ESRRG: variants seen among roughly 807,000 people sequenced by gnomAD.
ESRRG encodes estrogen-related receptor gamma.
A neutral mutation model predicts 44.0 loss-of-function variants in ESRRG; 13 were observed. The ratio of observed to expected loss-of-function variants is 0.30; its 90% CI spans 0.19 to 0.47. The LOEUF (loss-of-function observed/expected upper bound fraction) is 0.47, where lower values mean the gene tolerates loss of function less well. Among genes scored for constraint, ESRRG ranks in the 20% least tolerant of loss-of-function variants. ESRRG has a pLI of 1.00. For synonymous variants in ESRRG, 215 were observed against 214.6 expected (o/e 1.00, Z -0.02); for missense variants, 395 against 580.6 (o/e 0.68, Z 3.29).
chr1:216,629,544 C>T (rs564270866), intron 3 of ESRRG, among the ~76,000 whole-genome samples: 4 of 152,190 alleles, frequency 2.6e-5, no homozygotes, highest in South Asian at 4.2e-4. Flanking sequence ...GAATTTGGCT[C>T]TTATATAGGA....
chr1:216,824,407 C>A (rs1048935103), intron 2 of ESRRG, among the ~76,000 whole-genome samples: 1 of 152,028 alleles, frequency 6.6e-6, no homozygotes, highest in Admixed American at 6.5e-5. Flanking sequence ...GATCGTGTCA[C>A]TTCACTCCAG....
intron 1 of ESRRG, among the ~76,000 whole-genome samples, chr1:216,718,542 T>C (rs2152040268): frequency 6.6e-6 from 1 of 152,086 alleles, no homozygotes; most frequent in South Asian, 2.1e-4. Flanking sequence ...ATCCTTGCAC[T>C]ATCAAATATA....
chr1:216,810,998 T>A (rs2094952215), intron 2 of ESRRG, among the ~76,000 whole-genome samples: 2 of 151,966 alleles, frequency 1.3e-5, no homozygotes, highest in African/African-American at 4.8e-5. Context: ...ACAGCCCTGA[T>A]CATACCAGAT....
At chr1:216,943,269 C>T (rs140665266) in intron 1 of ESRRG, among the ~76,000 whole-genome samples, 230 of 152,220 alleles carry the variant, frequency 1.5e-3, no homozygotes, top group Middle Eastern at 0.014. Context: ...TACCAGTATC[C>T]CTTCACTCAC....
At chr1:217,043,069 A>G (rs2084173509) in intron 1 of ESRRG, among the ~76,000 whole-genome samples, 2 of 152,196 alleles carry the variant, frequency 1.3e-5, no homozygotes, top group South Asian at 4.1e-4. Context: ...GCTCCAGTGC[A>G]AATTTAACGC....
At chr1:216,703,339 T>G (rs770879350) in intron 1 of ESRRG, among the ~76,000 whole-genome samples, 2 of 152,182 alleles carry the variant, frequency 1.3e-5, no homozygotes, top group African/African-American at 4.8e-5. Context: ...TTATAATGTT[T>G]TAAGAAAGTT....
intron 2 of ESRRG, among the ~76,000 whole-genome samples, chr1:216,771,294 G>C (rs1260686218): frequency 2.0e-5 from 3 of 151,996 alleles, no homozygotes; most frequent in African/African-American, 7.2e-5. Flanking sequence ...TAATGCTTTA[G>C]CACAAATACA....
At chr1:216,615,972 A>G (rs2061379289) in intron 3 of ESRRG, among the ~76,000 whole-genome samples, 1 of 152,050 alleles carries the variant, frequency 6.6e-6, no homozygotes, top group Non-Finnish European at 1.5e-5. Context: ...AGGCGTGAGC[A>G]CCAGGCCCAG....
rs771709322 is a variant in ESRRG at position 216,809,347 on chromosome 1, AC to A, written c.-14+130234del. On this transcript the variant is annotated intron_variant, in intron 2 of 7. Transcript: ENST00000359162. The stretch of plus-strand genomic sequence containing the variant: ...CAGTAAAAAAAAAAAAAAAAAAAAA[AC>A]CCCATGAGAACACCTCCAATTGTCA... Among the ~76,000 whole-genome samples the A allele has an allele frequency of 5.6e-3, 683 of 122,700 alleles. 2 individuals are homozygous for A. The highest frequency in any genetic ancestry group is 0.015 in the African/African-American group (506 of 34,384). 80.5% of individuals were successfully genotyped at this position (122,700 alleles called of 152,430 possible). A position where few individuals can be genotyped will look rare whatever the true frequency, so the allele number is the denominator to read the frequency against.
At chr1:216,988,926 T>G (rs1210601304) in intron 1 of ESRRG, among the ~76,000 whole-genome samples, 1 of 152,192 alleles carries the variant, frequency 6.6e-6, no homozygotes, top group African/African-American at 2.4e-5. Context: ...ACTTCAAGTT[T>G]TCCAGTCCAC....
intron 2 of ESRRG, among the ~76,000 whole-genome samples, chr1:216,744,124 A>G (rs983892611): frequency 1.3e-5 from 2 of 152,168 alleles, no homozygotes; most frequent in African/African-American, 4.8e-5. Context: ...GAACAAAGCC[A>G]TAGAGTTCAG....
chr1:216,893,481 T>A (rs1299505818), intron 2 of ESRRG, among the ~76,000 whole-genome samples: 1 of 152,272 alleles, frequency 6.6e-6, no homozygotes, highest in East Asian at 1.9e-4. Flanking sequence ...AATCATGAAA[T>A]AATTATGTTG....
intron 6 of ESRRG, among the ~76,000 whole-genome samples, chr1:216,515,020 T>A (rs2043810526): frequency 6.6e-6 from 1 of 151,778 alleles, no homozygotes; most frequent in Admixed American, 6.6e-5. Context: ...TATATACATG[T>A]ATGAAACCAA....
At chr1:216,698,531 A>G (rs1376800467) in intron 1 of ESRRG, among the ~76,000 whole-genome samples, 1 of 151,464 alleles carries the variant, frequency 6.6e-6, no homozygotes, top group African/African-American at 2.4e-5. Flanking sequence ...AAAAAAAAAA[A>G]AAAAAAAAAA....
intron 3 of ESRRG, among the ~76,000 whole-genome samples, chr1:216,644,427 C>CTTTTTTTTTTTTTTTTTTT (rs71161439): frequency 7.8e-6 from 1 of 128,498 alleles, no homozygotes; most frequent in Non-Finnish European, 1.6e-5. Context: ...TTCTTTCTTT[C>CTTTTTTTTTTTTTTTTTTT]TTTTTTTTTT....
At chr1:217,037,467 A>T (rs1298066354) in intron 1 of ESRRG, among the ~76,000 whole-genome samples, 2 of 152,096 alleles carry the variant, frequency 1.3e-5, no homozygotes, top group Admixed American at 1.3e-4. Context: ...ATCACATGAG[A>T]CCCACTCGCC....
At chr1:216,948,461 A>T (rs2066422150) in intron 1 of ESRRG, among the ~76,000 whole-genome samples, 1 of 134,802 alleles carries the variant, frequency 7.4e-6, no homozygotes, top group African/African-American at 2.9e-5. Context: ...TGGGCAAAAG[A>T]GCAAGACTCC....
At chr1:217,009,508 T>TA (rs1354465062) in intron 1 of ESRRG, among the ~76,000 whole-genome samples, 3 of 152,084 alleles carry the variant, frequency 2.0e-5, no homozygotes, top group Non-Finnish European at 4.4e-5. Context: ...TGGCAAGCTA[T>TA]AAAACAAGCA....
chr1:216,817,003 A>G (rs1295112896), intron 2 of ESRRG, among the ~76,000 whole-genome samples: 1 of 152,030 alleles, frequency 6.6e-6, no homozygotes, highest in Non-Finnish European at 1.5e-5. Flanking sequence ...AATTTAAACA[A>G]TTTTGTAGGA....
Sources: gnomAD v4.1 joint callset for allele counts (sites outside exome capture counted in the v4.1 genomes callset) on GRCh38, gnomAD v4.1.1 for gene constraint, MANE v1.5 for transcripts, NCBI Gene and HGNC (gene_info 2026-07-23, HGNC 2026-07-21) for gene names.